Variants in HS6ST3 observed in about 807,000 individuals in gnomAD.
HS6ST3 encodes the protein heparan sulfate 6-O-sulfotransferase 3, also known as heparan-sulfate 6-O-sulfotransferase 3.
In HS6ST3, 12 loss-of-function variants were observed where a neutral mutation model predicts 36.7. That is an observed-to-expected ratio of 0.33 (90% CI 0.21 to 0.53). HS6ST3 has a LOEUF of 0.53. HS6ST3 is among the 20% of genes least tolerant of loss of function. The pLI is 0.95. For missense variants in HS6ST3, 584 were observed against 640.9 expected (o/e 0.91, Z 0.96); for synonymous variants, 240 against 257.5 (o/e 0.93, Z 0.65).
chr13:96,397,917 A>G (rs553735120), intron 1 of HS6ST3, among the ~76,000 whole-genome samples: 3 of 152,334 alleles, frequency 2.0e-5, no homozygotes, highest in Admixed American at 6.5e-5. Context: ...GCTTAAGACT[A>G]TAATGATTTG....
intron 1 of HS6ST3, among the ~76,000 whole-genome samples, chr13:96,252,021 T>G (rs924933459): frequency 2.0e-5 from 3 of 152,206 alleles, no homozygotes; most frequent in Non-Finnish European, 2.9e-5. Context: ...TATATTCTAC[T>G]GCTATTGGAT....
In HS6ST3 at chr13:96,435,846, G is replaced by C. The variant is rs932827745; in HGVS notation, c.707+344277G>C. Among the ~76,000 whole-genome samples the C allele has an allele frequency of 2.6e-5, 4 of 151,536 alleles. No individual in the cohort carries two copies. The East Asian group carries it at 7.7e-4, about 29-fold the overall frequency. The stretch of plus-strand genomic sequence containing the variant: ...TTTAGAAAAGAATCACAAATTCTTT[G>C]TACTTCATTTCCCATTGACTTTCAA... On this transcript the variant is annotated intron_variant, in intron 1 of 1. Coordinates refer to ENST00000376705, the MANE Select transcript of HS6ST3 (RefSeq NM_153456.4).
intron 1 of HS6ST3, among the ~76,000 whole-genome samples, chr13:96,801,736 TA>T (rs368226684): frequency 7.0e-4 from 107 of 152,228 alleles, no homozygotes; most frequent in African/African-American, 2.5e-3. Context: ...GTGCTCTACA[TA>T]AACGTGCAAT....
intron 1 of HS6ST3, among the ~76,000 whole-genome samples, chr13:96,746,199 C>T (rs1346016478): frequency 2.0e-5 from 3 of 152,152 alleles, no homozygotes; most frequent in Admixed American, 6.6e-5. Flanking sequence ...ATCTAACCTT[C>T]TTAATAACCT....
chr13:96,677,513 A>C (rs1298382160), intron 1 of HS6ST3, among the ~76,000 whole-genome samples: 1 of 152,198 alleles, frequency 6.6e-6, no homozygotes, highest in East Asian at 1.9e-4. Flanking sequence ...ATATACACAT[A>C]CATATGTTAT....
intron 1 of HS6ST3, among the ~76,000 whole-genome samples, chr13:96,117,864 G>T (rs865988): frequency 2.0e-5 from 3 of 151,556 alleles, no homozygotes; most frequent in African/African-American, 7.3e-5. Flanking sequence ...GTGTACCTTA[G>T]AATGTGACTT....
chr13:96,751,806 GTA>G (rs1023250089), intron 1 of HS6ST3, among the ~76,000 whole-genome samples: 17 of 150,140 alleles, frequency 1.1e-4, no homozygotes, highest in Non-Finnish European at 1.5e-4. Context: ...GTGTGTATGT[GTA>G]TATATATATA....
At chr13:96,773,763 A>T (rs1296375325) in intron 1 of HS6ST3, among the ~76,000 whole-genome samples, 1 of 152,202 alleles carries the variant, frequency 6.6e-6, no homozygotes, top group African/African-American at 2.4e-5. Context: ...CAGCAGACTT[A>T]AACATTCCTG....
Position 96,414,672 on chromosome 13 carries a change from G to A in HS6ST3, c.707+323103G>A, listed in dbSNP as rs544788592. Among the ~76,000 whole-genome samples the A allele has an allele frequency of 4.6e-5, 7 of 152,240 alleles. No homozygotes were observed. The East Asian group carries it at 1.4e-3, about 29-fold the overall frequency. On this transcript the variant is annotated intron_variant, in intron 1 of 1. Coordinates refer to ENST00000376705, the MANE Select transcript of HS6ST3 (RefSeq NM_153456.4). Reference sequence around the variant, plus strand: ...TAATTCTGTATTTTTAGTAGAGATGGAGTTTTACCATGTTGGCCAGGCTGG... The same window carrying A: ...TAATTCTGTATTTTTAGTAGAGATGAAGTTTTACCATGTTGGCCAGGCTGG...
intron 1 of HS6ST3, among the ~76,000 whole-genome samples, chr13:96,663,150 A>C (rs2056652323): frequency 1.3e-5 from 2 of 152,114 alleles, no homozygotes; most frequent in African/African-American, 4.8e-5. Flanking sequence ...TGGTGAAATG[A>C]GCTGAGGCCA....
intron 1 of HS6ST3, among the ~76,000 whole-genome samples, chr13:96,394,083 T>C (rs752754624): frequency 1.3e-5 from 2 of 152,226 alleles, no homozygotes; most frequent in Admixed American, 1.3e-4. Flanking sequence ...TATGCTTTTT[T>C]CAGTATTCTC....
intron 1 of HS6ST3, among the ~76,000 whole-genome samples, chr13:96,108,210 G>A (rs750438709): frequency 6.6e-6 from 1 of 152,172 alleles, no homozygotes; most frequent in African/African-American, 2.4e-5. Context: ...GGCTGCTCTG[G>A]GAGTGTCTGC....
At chr13:96,731,833 T>C (rs1200829162) in intron 1 of HS6ST3, among the ~76,000 whole-genome samples, 1 of 151,972 alleles carries the variant, frequency 6.6e-6, no homozygotes. Context: ...ATGTTTTTAT[T>C]TTTTTAGAGA....
chr13:96,548,730 C>T (rs949693627), intron 1 of HS6ST3, among the ~76,000 whole-genome samples: 1 of 152,200 alleles, frequency 6.6e-6, no homozygotes, highest in Non-Finnish European at 1.5e-5. Flanking sequence ...GAACCAGAAA[C>T]TGCTATTATT....
chr13:96,559,071 AATCTATCTATCT>A (rs3051060), intron 1 of HS6ST3, among the ~76,000 whole-genome samples: 62,432 of 147,334 alleles, frequency 0.42, 13,271 homozygotes, highest in African/African-American at 0.45. Flanking sequence ...GAATCTATAT[AATCTATCTATCT>A]ATCTATCTAT....
At chr13:96,605,948 C>G (rs2056437253) in intron 1 of HS6ST3, among the ~76,000 whole-genome samples, 1 of 150,718 alleles carries the variant, frequency 6.6e-6, no homozygotes, top group South Asian at 2.1e-4. Context: ...AGAAGATATA[C>G]AAGCAGCCAA....
chr13:96,363,895 CTA>C (rs2055251196), intron 1 of HS6ST3, among the ~76,000 whole-genome samples: 1 of 151,968 alleles, frequency 6.6e-6, no homozygotes, highest in South Asian at 2.1e-4. Flanking sequence ...AGAACACTCG[CTA>C]TTTCTCTCCT....
chr13:96,584,472 A>G (rs1284078666), intron 1 of HS6ST3, among the ~76,000 whole-genome samples: 1 of 152,156 alleles, frequency 6.6e-6, no homozygotes, highest in African/African-American at 2.4e-5. Context: ...CCTCACTAGA[A>G]GTGAAACTTA....
At chr13:96,798,997 G>T (rs1877977513) in intron 1 of HS6ST3, among the ~76,000 whole-genome samples, 1 of 152,040 alleles carries the variant, frequency 6.6e-6, no homozygotes, top group Non-Finnish European at 1.5e-5. Context: ...AAGAATACAA[G>T]TCAAATTAGA....
Sources: allele counts gnomAD v4.1 joint callset (sites outside exome capture counted in the v4.1 genomes callset), GRCh38; gene constraint gnomAD v4.1.1; transcripts MANE v1.5; gene names NCBI Gene and HGNC (gene_info 2026-07-23, HGNC 2026-07-21).